CCDC171: variants seen among roughly 807,000 people sequenced by gnomAD.
CCDC171 encodes the protein coiled-coil domain-containing protein 171.
In CCDC171, 177 loss-of-function variants were observed where a neutral mutation model predicts 168.2. That is an observed-to-expected ratio of 1.05 (90% CI 0.93 to 1.19). The LOEUF (loss-of-function observed/expected upper bound fraction) is 1.19, where lower values mean the gene tolerates loss of function less well. Among genes scored for constraint, CCDC171 ranks in the 50% most tolerant of loss-of-function variants. CCDC171 has a pLI of 0.00. For synonymous variants in CCDC171, 687 were observed against 540.8 expected (o/e 1.27, Z -3.75); for missense variants, 1,991 against 1,539.0 (o/e 1.29, Z -4.91).
chr9:15,826,605 C>G (rs9407649), intron 21 of CCDC171, among the ~76,000 whole-genome samples: 68,693 of 151,998 alleles, frequency 0.45, 15,749 homozygotes, highest in Non-Finnish European at 0.48. Flanking sequence ...TGGGTCACAT[C>G]GTGAACTAGG....
At chr9:16,039,846 C>CTG (rs146439955), upstream of CCDC171, among the ~76,000 whole-genome samples, 2 of 151,664 alleles carry the variant, frequency 1.3e-5, no homozygotes, top group East Asian at 1.9e-4. Flanking sequence ...TTCCTTGCTT[C>CTG]TGTGTGTGTG....
intron 18 of CCDC171, among the ~76,000 whole-genome samples, chr9:15,764,059 C>T (rs2056593744): frequency 6.6e-6 from 1 of 152,048 alleles, no homozygotes; most frequent in South Asian, 2.1e-4. Flanking sequence ...AGTGCAGAAA[C>T]CCTAACAAAG....
chr9:16,008,602 C>T (rs1472743870), intron 3 of CCDC171, among the ~76,000 whole-genome samples: 1 of 152,146 alleles, frequency 6.6e-6, no homozygotes, highest in Non-Finnish European at 1.5e-5. Flanking sequence ...AGCCCTCTCT[C>T]TTTCTGGTCC....
intron 24 of CCDC171, among the ~76,000 whole-genome samples, chr9:15,907,102 A>G (rs898531791): frequency 3.9e-5 from 6 of 152,322 alleles, no homozygotes; most frequent in Non-Finnish European, 7.4e-5. Context: ...TAGAGATTCA[A>G]TGCCATCCCC....
chr9:16,079,209 C>T, the CCDC171 span, among the ~76,000 whole-genome samples: 3 of 152,198 alleles, frequency 2.0e-5, no homozygotes, highest in African/African-American at 4.8e-5. Context: ...CTCTGATCCA[C>T]GGGCCATCTG....
chr9:15,593,928 G>C (rs1028142298), intron 5 of CCDC171, 113 bp from the exon 6 acceptor site: 2 of 652,948 alleles, frequency 3.1e-6, no homozygotes, highest in Non-Finnish European at 5.4e-6. Flanking sequence ...CATGAATTAT[G>C]ATGAGTTTTA....
At chr9:16,088,289 A>C in the CCDC171 span, among the ~76,000 whole-genome samples, 1 of 152,216 alleles carries the variant, frequency 6.6e-6, no homozygotes, top group Admixed American at 6.5e-5. Flanking sequence ...AAAAGCTGTA[A>C]ATTTTGCCTT....
Position 15,971,609 on chromosome 9 carries a change from A to T in CCDC171, c.3754A>T (p.Ile1252Leu). The T allele has an allele frequency of 6.2e-7, 1 of 1,609,242 alleles. No homozygotes were observed. Among genetic ancestry groups the T allele is most frequent in the Non-Finnish European group, 8.5e-7 (1 of 1,176,572 alleles). Residue 1252 changes from isoleucine to leucine, a missense_variant and splice_region_variant, in exon 26 of 26, where the codon ATA (isoleucine) becomes TTA (leucine). Physicochemically the swap from Ile to Leu is conservative, Grantham distance 5. Coordinates refer to ENST00000380701, the MANE Select transcript of CCDC171 (RefSeq NM_173550.4). Reference protein sequence around the residue: ...CLRENASLQSIGSRDHSNLSI... With the variant: ...CLRENASLQSLGSRDHSNLSI... ...TATTTTTTTCTTTTGTATGTCACAG[A>T]TAGGATCACGAGACCATTCAAATCT... is the stretch of plus-strand genomic sequence containing the variant.
rs1050799184 is a variant in CCDC171, at chr9:15,602,632, CTTTTT to C, written c.675+8470_675+8474del. 3.2e-3 allele frequency among the ~76,000 whole-genome samples: 98 copies of C among 31,036 alleles called. 1 individual carries two copies. The highest frequency in any genetic ancestry group is 6.1e-3 in the Non-Finnish European group (90 of 14,658). The allele number at this position is 31,036 out of a possible 152,430, so 20.4% of individuals were successfully genotyped here. A position where few individuals can be genotyped will look rare whatever the true frequency, so the allele number is the denominator to read the frequency against. Reference sequence around the variant, plus strand: ...CATTTTAAGATAGTGTTTCTCATTTCTTTTTTTTTTTTTTCTTTTTTTTTTTTTTT... The same window carrying C: ...CATTTTAAGATAGTGTTTCTCATTTCTTTTTTTTTCTTTTTTTTTTTTTTT... On this transcript the variant is annotated intron_variant, in intron 6 of 25. Coordinates refer to ENST00000380701, the MANE Select transcript of CCDC171 (RefSeq NM_173550.4).
chr9:15,748,410 T>C (rs1040600725), intron 18 of CCDC171, among the ~76,000 whole-genome samples: 2 of 152,160 alleles, frequency 1.3e-5, no homozygotes, highest in Non-Finnish European at 2.9e-5. Flanking sequence ...CAGGATATTA[T>C]CGAGGAGAAC....
chr9:15,785,429 A>G (rs1184559631), intron 21 of CCDC171, among the ~76,000 whole-genome samples: 1 of 152,150 alleles, frequency 6.6e-6, no homozygotes, highest in East Asian at 1.9e-4. Flanking sequence ...TAACTTATAC[A>G]AATAATATCT....
chr9:15,597,523 G>C (rs1350474057), intron 6 of CCDC171, among the ~76,000 whole-genome samples: 1 of 152,144 alleles, frequency 6.6e-6, no homozygotes, highest in African/African-American at 2.4e-5. Context: ...TAAGCTTTTT[G>C]GTGTGCTGCT....
the CCDC171 span, among the ~76,000 whole-genome samples, chr9:16,085,483 C>T: frequency 2.6e-5 from 4 of 152,192 alleles, no homozygotes; most frequent in African/African-American, 9.6e-5. Context: ...ACAGGCAATT[C>T]GCTGAGCTTG....
At chr9:16,023,412 C>T (rs2133027633) in intron 6 of CCDC171, among the ~76,000 whole-genome samples, 1 of 152,216 alleles carries the variant, frequency 6.6e-6, no homozygotes, top group South Asian at 2.1e-4. Flanking sequence ...TTGAATTTGG[C>T]CATGAGTCAT....
At chr9:16,069,451 T>C in the CCDC171 span, among the ~76,000 whole-genome samples, 1 of 152,092 alleles carries the variant, frequency 6.6e-6, no homozygotes, top group Non-Finnish European at 1.5e-5. Flanking sequence ...GTGGAGACCA[T>C]ATGCACGAAG....
chr9:15,855,436 GT>G (rs2061314023), intron 23 of CCDC171, among the ~76,000 whole-genome samples: 2 of 151,754 alleles, frequency 1.3e-5, no homozygotes, highest in South Asian at 4.1e-4. Context: ...TGGTGTCTTT[GT>G]ATCTAAGATG....
intron 23 of CCDC171, among the ~76,000 whole-genome samples, chr9:15,865,795 C>T (rs1338505501): frequency 6.6e-6 from 1 of 151,154 alleles, no homozygotes; most frequent in Non-Finnish European, 1.5e-5. Flanking sequence ...ATTTTCAACT[C>T]TGTGGGGGTT....
chr9:15,845,042 T>C (rs2060836599), intron 21 of CCDC171, among the ~76,000 whole-genome samples: 1 of 152,116 alleles, frequency 6.6e-6, no homozygotes, highest in African/African-American at 2.4e-5. Flanking sequence ...CCATAACTGG[T>C]GTTGGATCAT....
chr9:16,042,961 G>T (rs1833596947), intron 1 of CCDC171: 1 of 152,114 alleles, frequency 6.6e-6, no homozygotes. Flanking sequence ...CATTTGAGAT[G>T]ATGCTATTTT....
Sources: allele counts gnomAD v4.1 joint callset (sites outside exome capture counted in the v4.1 genomes callset), GRCh38; gene constraint gnomAD v4.1.1; transcripts MANE v1.5; gene names NCBI Gene and HGNC (gene_info 2026-07-23, HGNC 2026-07-21).